CORO2A: variants seen among roughly 807,000 people sequenced by gnomAD.
CORO2A encodes the protein coronin-2A.
A neutral mutation model predicts 62.4 loss-of-function variants in CORO2A; 47 were observed. The ratio of observed to expected loss-of-function variants is 0.75; its 90% CI spans 0.60 to 0.96. CORO2A has a LOEUF of 0.96. Ranked by LOEUF, CORO2A falls within the 40% of genes least tolerant of loss-of-function variation. CORO2A has a pLI of 0.00. For synonymous variants in CORO2A, 273 were observed against 268.9 expected (o/e 1.02, Z -0.15); for missense variants, 610 against 684.1 (o/e 0.89, Z 1.21).
chr9:98,172,112 A>C (rs1828045120), intron 1 of CORO2A, among the ~76,000 whole-genome samples: 1 of 151,996 alleles, frequency 6.6e-6, no homozygotes, highest in Non-Finnish European at 1.5e-5. Flanking sequence ...TCAGGAGGAA[A>C]AGGGTGTGAC....
chr9:98,150,640 T>C (rs1168299887), intron 2 of CORO2A, among the ~76,000 whole-genome samples: 1 of 152,180 alleles, frequency 6.6e-6, no homozygotes, highest in Non-Finnish European at 1.5e-5. Flanking sequence ...CACCGAGCAG[T>C]TCATGCAAGT....
rs71369555 is a variant in CORO2A, at chr9:98,154,352, T to TATATAC, written c.201+3107_201+3108insGTATAT. Reference sequence around the variant, plus strand: ...GTGTATATATATATATATATATATATACACAAATACATATATATATATATT... The same window carrying TATATAC: ...GTGTATATATATATATATATATATATATATACACACAAATACATATATATATATATT... On this transcript the variant is annotated intron_variant, in intron 2 of 11. Coordinates refer to ENST00000375077, the MANE Select transcript of CORO2A (RefSeq NM_052820.4). 5.9e-3 allele frequency among the ~76,000 whole-genome samples: 559 copies of TATATAC among 94,042 alleles called. 20 individuals are homozygous for TATATAC. The highest frequency in any genetic ancestry group is 0.051 in the South Asian group (138 of 2,710). The allele number at this position is 94,042 out of a possible 152,430, so 61.7% of individuals were successfully genotyped here. A position where few individuals can be genotyped will look rare whatever the true frequency, so the allele number is the denominator to read the frequency against.
At chr9:98,173,252 A>G (rs1056009552) in intron 1 of CORO2A, among the ~76,000 whole-genome samples, 14 of 152,208 alleles carry the variant, frequency 9.2e-5, no homozygotes, top group Non-Finnish European at 2.1e-4. Flanking sequence ...CCCGGTGACT[A>G]GGAAGCCGCT....
Position 98,147,389 on chromosome 9 carries a change from T to C in CORO2A, c.202-9701A>G, listed in dbSNP as rs1016722178. Among the ~76,000 whole-genome samples the C allele has an allele frequency of 2.0e-5, 3 of 152,328 alleles. No homozygotes were observed. In the South Asian group the frequency reaches 6.2e-4, roughly 32 times the overall value. On this transcript the variant is annotated intron_variant, in intron 2 of 11. Coordinates refer to ENST00000375077, the MANE Select transcript of CORO2A (RefSeq NM_052820.4). Reference sequence around the variant, plus strand: ...ATGTCTAGGATTTGCTTTAAAATACTTCAGGTAAAAGGGATGAGTGAAGCA... The same window carrying C: ...ATGTCTAGGATTTGCTTTAAAATACCTCAGGTAAAAGGGATGAGTGAAGCA...
chr9:98,162,157 C>G (rs1423313613), intron 1 of CORO2A, among the ~76,000 whole-genome samples: 1 of 152,194 alleles, frequency 6.6e-6, no homozygotes, highest in Non-Finnish European at 1.5e-5. Context: ...AGCTAGTGAA[C>G]AGCAGGCCTG....
rs1827259819 is a variant in CORO2A at position 98,122,762 on chromosome 9, G to C, written c.*2012C>G. On this transcript the variant is annotated 3_prime_UTR_variant, in exon 12 of 12. Coordinates refer to ENST00000375077, the MANE Select transcript of CORO2A (RefSeq NM_052820.4). ...CCTGGGGGACTCTTCTGTTAACTAG[G>C]GCTGAAATCTGCCCACATCATCCTG... The C allele has an allele frequency of 6.6e-6, 1 of 152,342 alleles. No homozygotes were observed. The highest frequency in any genetic ancestry group is 6.5e-5 in the Admixed American group (1 of 15,296). 9.4% of individuals were successfully genotyped at this position (152,342 alleles called of 1,614,324 possible). A position where few individuals can be genotyped will look rare whatever the true frequency, so the allele number is the denominator to read the frequency against.
At chr9:98,133,920 A>C (rs2118813826) in intron 4 of CORO2A, among the ~76,000 whole-genome samples, 1 of 151,676 alleles carries the variant, frequency 6.6e-6, no homozygotes, top group Middle Eastern at 3.4e-3. Flanking sequence ...ACACCTGGCT[A>C]ATTTTTTCTA....
At chr9:98,141,312 A>C (rs1291099103) in intron 2 of CORO2A, among the ~76,000 whole-genome samples, 1 of 149,772 alleles carries the variant, frequency 6.7e-6, no homozygotes. Flanking sequence ...CACTGCACCC[A>C]CAGGCCCTGG....
At chr9:98,136,458 C>T in intron 3 of CORO2A, among the ~76,000 whole-genome samples, 1 of 152,210 alleles carries the variant, frequency 6.6e-6, no homozygotes, top group South Asian at 2.1e-4. Context: ...ATTCTGTTGC[C>T]CATTTTGCCT....
intron 2 of CORO2A, among the ~76,000 whole-genome samples, chr9:98,151,814 ATTTTT>A (rs747501901): frequency 1.7e-5 from 2 of 115,472 alleles, no homozygotes; most frequent in Non-Finnish European, 1.8e-5. Flanking sequence ...TGCCCGGCTA[ATTTTT>A]TTTTTTTTTT....
At chr9:98,148,766 A>AAAACAAAACAAAACAAAACAAAAC (rs1564207145) in intron 2 of CORO2A, among the ~76,000 whole-genome samples, 3 of 150,860 alleles carry the variant, frequency 2.0e-5, no homozygotes, top group African/African-American at 7.3e-5. Context: ...AAAACAAAAC[A>AAAACAAAACAAAACAAAACAAAAC]AAACAAACAA....
At chr9:98,144,643 G>C (rs756439713) in intron 2 of CORO2A, among the ~76,000 whole-genome samples, 1 of 152,206 alleles carries the variant, frequency 6.6e-6, no homozygotes, top group African/African-American at 2.4e-5. Context: ...ACCAGAGAAG[G>C]CTCCCTGGAG....
chr9:98,126,499 C>T (rs1265359777), intron 11 of CORO2A, 50 bp downstream of exon 11: 6 of 1,584,794 alleles, frequency 3.8e-6, no homozygotes, highest in South Asian at 3.5e-5. Context: ...ATCTGTTCCC[C>T]TCCACCCCAG....
At chr9:98,145,675 A>G (rs1232233864) in intron 2 of CORO2A, among the ~76,000 whole-genome samples, 5 of 152,168 alleles carry the variant, frequency 3.3e-5, no homozygotes, top group African/African-American at 1.2e-4. Context: ...TGATGTGGAC[A>G]CACATCGGCT....
intron 2 of CORO2A, among the ~76,000 whole-genome samples, chr9:98,153,082 T>C (rs1299108080): frequency 6.6e-6 from 1 of 152,138 alleles, no homozygotes; most frequent in Non-Finnish European, 1.5e-5. Flanking sequence ...GGGTAAAGGG[T>C]CATCTCTATA....
chr9:98,160,675 G>A (rs955220447), intron 1 of CORO2A, among the ~76,000 whole-genome samples: 2 of 152,142 alleles, frequency 1.3e-5, no homozygotes, highest in African/African-American at 2.4e-5. Context: ...AGCAGGCTCC[G>A]CTCCAGGCCC....
At chr9:98,135,733 T>G (rs1827476937) in intron 3 of CORO2A, among the ~76,000 whole-genome samples, 1 of 152,156 alleles carries the variant, frequency 6.6e-6, no homozygotes, top group South Asian at 2.1e-4. Flanking sequence ...CTGTTTCCCT[T>G]AGAGGTATAC....
At chr9:98,143,004 T>C (rs1487989079) in intron 2 of CORO2A, among the ~76,000 whole-genome samples, 1 of 152,212 alleles carries the variant, frequency 6.6e-6, no homozygotes, top group Admixed American at 6.5e-5. Context: ...GTCAGGGACA[T>C]TTATCATCAG....
intron 2 of CORO2A, among the ~76,000 whole-genome samples, chr9:98,153,365 T>G (rs1223930509): frequency 6.6e-6 from 1 of 151,290 alleles, no homozygotes; most frequent in East Asian, 1.9e-4. Context: ...CCTGCCAAGG[T>G]GCTGGGATTA....
Sources: gnomAD v4.1 joint callset for allele counts (sites outside exome capture counted in the v4.1 genomes callset) on GRCh38, gnomAD v4.1.1 for gene constraint, MANE v1.5 for transcripts, NCBI Gene and HGNC (gene_info 2026-07-23, HGNC 2026-07-21) for gene names.